Variants in TTC23L observed in about 807,000 individuals in gnomAD.
TTC23L encodes tetratricopeptide repeat domain 23 like.
Under a neutral mutation model 48.1 loss-of-function variants are expected in TTC23L, and 42 were observed. The ratio of observed to expected loss-of-function variants is 0.87; its 90% CI spans 0.68 to 1.13. TTC23L has a LOEUF of 1.13. Among genes scored for constraint, TTC23L ranks in the 50% most tolerant of loss-of-function variants. The pLI is 0.00. For missense variants in TTC23L, 391 were observed against 421.0 expected, an observed-to-expected ratio of 0.93 and a Z score of 0.62; for synonymous variants, 159 against 157.2, an observed-to-expected ratio of 1.01 and a Z score of -0.09.
At chr5:34,896,670 A>G in intron 9 of TTC23L, 100 bp from the exon 10 acceptor site, 2 of 719,500 alleles carry the variant, frequency 2.8e-6, no homozygotes, top group South Asian at 1.5e-5. Flanking sequence ...ATGAAATTTA[A>G]GTTCTGGAAT....
intron 3 of TTC23L, among the ~76,000 whole-genome samples, chr5:34,848,394 T>C (rs62356970): frequency 0.26 from 39,152 of 152,060 alleles, 5,158 homozygotes; most frequent in Middle Eastern, 0.33. Context: ...CAGCAAATAT[T>C]GAATGTGTTA....
At chr5:34,844,321 A>AAGTTAATT (rs1286856011) in intron 2 of TTC23L, among the ~76,000 whole-genome samples, 1 of 37,616 alleles carries the variant, frequency 2.7e-5, no homozygotes, top group Non-Finnish European at 5.3e-5. Flanking sequence ...GCCTCTTGAT[A>AAGTTAATT]AGTTAATTAG....
intron 9 of TTC23L, among the ~76,000 whole-genome samples, chr5:34,881,264 C>A (rs1310260059): frequency 6.6e-6 from 1 of 152,176 alleles, no homozygotes; most frequent in Non-Finnish European, 1.5e-5. Context: ...TAGTGGTTTT[C>A]TCTTGATCTG....
intron 10 of TTC23L, 148 bp downstream of exon 10, chr5:34,897,023 A>AT (rs924982388): frequency 3.3e-5 from 18 of 548,602 alleles, no homozygotes; most frequent in African/African-American, 2.8e-4. Context: ...AAAAAAAAAA[A>AT]CAAAAAAAAC....
chr5:34,869,049 G>C (rs1274212554), intron 8 of TTC23L, 36 bp downstream of exon 8: 7 of 1,500,746 alleles, frequency 4.7e-6, no homozygotes, highest in Non-Finnish European at 6.4e-6. Flanking sequence ...TTATTTCCCA[G>C]TCACATGAGG....
chr5:34,887,313 C>A (rs182087776), intron 9 of TTC23L, among the ~76,000 whole-genome samples: 1 of 151,876 alleles, frequency 6.6e-6, no homozygotes, highest in African/African-American at 2.4e-5. Flanking sequence ...GGGGCAGAAG[C>A]CTGAAAGGAG....
At chr5:34,861,078 C>A (rs1161279151) in intron 4 of TTC23L, 1 of 152,382 alleles carries the variant, frequency 6.6e-6, no homozygotes, top group African/African-American at 2.4e-5. Context: ...AGTGATTCCC[C>A]TGCCTCAGCC....
the TTC23L span, chr5:34,911,891 T>C: frequency 6.7e-7 from 1 of 1,488,766 alleles, no homozygotes; most frequent in Non-Finnish European, 9.1e-7. Flanking sequence ...TACATAAAAT[T>C]TCTCAAGAAT....
chr5:34,841,328 C>T (rs1245999232), intron 2 of TTC23L, among the ~76,000 whole-genome samples: 2 of 152,096 alleles, frequency 1.3e-5, no homozygotes, highest in Non-Finnish European at 2.9e-5. Flanking sequence ...TACTATGTGC[C>T]AGGCTCTGTT....
chr5:34,881,608 A>G lies in TTC23L; in HGVS notation c.1077+1300A>G, dbSNP rs144294716. Among the ~76,000 whole-genome samples the G allele has an allele frequency of 3.5e-4, 54 of 152,344 alleles. No individual in the cohort carries two copies. The East Asian group carries it at 0.01, about 29-fold the overall frequency. On this transcript the variant is annotated intron_variant, in intron 9 of 10. Transcript: ENST00000505624. ...AATAAGTAAAAATTTATTTCCAGGA[A>G]TGAAGAACAGTTTTTTTTATATCAT...
At chr5:34,845,732 G>T (rs1417027141) in intron 3 of TTC23L, 59 bp downstream of exon 3, 3 of 1,497,750 alleles carry the variant, frequency 2.0e-6, no homozygotes, top group Non-Finnish European at 2.7e-6. Context: ...CCTGTTTAGA[G>T]AAGCTTTGCC....
At chr5:34,921,206 A>G in the TTC23L span, 9 of 152,232 alleles carry the variant, frequency 5.9e-5, no homozygotes, top group African/African-American at 2.2e-4. Context: ...ATTAGAGTTT[A>G]TGAATACTAC....
At chr5:34,858,417 T>C (rs1235935087) in intron 4 of TTC23L, among the ~76,000 whole-genome samples, 1 of 152,214 alleles carries the variant, frequency 6.6e-6, no homozygotes, top group Non-Finnish European at 1.5e-5. Context: ...AAGTAGTATG[T>C]GCTATGAAAA....
chr5:34,897,864 A>G (rs1173175467), intron 10 of TTC23L, among the ~76,000 whole-genome samples: 1 of 152,204 alleles, frequency 6.6e-6, no homozygotes, highest in African/African-American at 2.4e-5. Context: ...AGTCTTTATG[A>G]ACTATGATTA....
intron 3 of TTC23L, among the ~76,000 whole-genome samples, chr5:34,849,421 C>G (rs983919699): frequency 6.6e-6 from 1 of 152,056 alleles, no homozygotes; most frequent in African/African-American, 2.4e-5. Flanking sequence ...ACCATGAGGA[C>G]GCAGTCATCA....
the TTC23L span, chr5:34,914,869 G>C: frequency 1.2e-6 from 2 of 1,613,966 alleles, no homozygotes; most frequent in Non-Finnish European, 1.7e-6. Flanking sequence ...CCTCGTCTTG[G>C]ATCTGTTGGG....
the TTC23L span, among the ~76,000 whole-genome samples, chr5:34,904,472 T>C: frequency 1.3e-5 from 2 of 151,480 alleles, no homozygotes; most frequent in African/African-American, 2.4e-5. Flanking sequence ...CATGCACCTG[T>C]AGTCCCAACT....
At chr5:34,856,161 A>T (rs974042984) in intron 4 of TTC23L, among the ~76,000 whole-genome samples, 1 of 152,308 alleles carries the variant, frequency 6.6e-6, no homozygotes, top group African/African-American at 2.4e-5. Flanking sequence ...AGGAATGCTG[A>T]GTCCAGTTTT....
chr5:34,908,810 T>G, the TTC23L span: 1 of 1,611,532 alleles, frequency 6.2e-7, no homozygotes, highest in South Asian at 1.1e-5. Flanking sequence ...AGCAGTAATA[T>G]TCCACAAAAC....
Sources: allele counts gnomAD v4.1 joint callset (sites outside exome capture counted in the v4.1 genomes callset), GRCh38; gene constraint gnomAD v4.1.1; transcripts MANE v1.5; gene names NCBI Gene and HGNC (gene_info 2026-07-23, HGNC 2026-07-21).